HAUS4: variants seen among roughly 807,000 people sequenced by gnomAD.
HAUS4 encodes HAUS augmin-like complex subunit 4.
HAUS4 carries 34 observed loss-of-function variants against 50.6 expected under a neutral mutation model. The observed-to-expected ratio is 0.67, with a 90% CI of 0.51 to 0.90. The LOEUF (loss-of-function observed/expected upper bound fraction) is 0.90, where lower values mean the gene tolerates loss of function less well. Ranked by LOEUF, HAUS4 falls within the 40% of genes least tolerant of loss-of-function variation. The pLI is 0.00. For synonymous variants in HAUS4, 149 were observed against 161.4 expected (o/e 0.92, Z 0.58); for missense variants, 370 against 428.7 (o/e 0.86, Z 1.21).
intron 6 of HAUS4, 195 bp from the exon 7 acceptor site, chr14:22,948,208 G>C (rs1705198745): frequency 1.8e-6 from 1 of 566,850 alleles, no homozygotes; most frequent in Non-Finnish European, 3.0e-6. Context: ...TAGCACTTTG[G>C]GAGGCCAAGG....
chr14:22,948,164 C>T lies in HAUS4; in HGVS notation c.563-151G>A, dbSNP rs993438267. On this transcript the variant is annotated intron_variant, in intron 6 of 9. Transcript: ENST00000541587. ...ATAATCTATTAAAAATGGCCCCATT[C>T]TGGGCTGAGCATGGTGGCTTACGCC... is the stretch of plus-strand genomic sequence containing the variant. 5 of 804,506 alleles carry T rather than the reference C, an allele frequency of 6.2e-6. No homozygotes were observed. The East Asian group carries it at 1.4e-4, about 22-fold the overall frequency. 49.8% of individuals were successfully genotyped at this position (804,506 alleles called of 1,614,324 possible).
rs369250529 is a variant in HAUS4, at chr14:22,951,761, A to T, written c.331-72T>A. On this transcript the variant is annotated intron_variant, in intron 4 of 9. Transcript: ENST00000541587. ...CTCCCACTCCACCTCTTCCATCCTT[A>T]TGAACCAGTTTTTCACATATTTTCA... 136 of 1,410,954 alleles carry T rather than the reference A, an allele frequency of 9.6e-5. No individual in the cohort carries two copies. In the African/African-American group the frequency reaches 1.8e-3, roughly 19 times the overall value. 87.4% of individuals were successfully genotyped at this position (1,410,954 alleles called of 1,614,324 possible).
rs778442981 is a variant in HAUS4 at position 22,947,248 on chromosome 14, G to C, written c.840-9C>G. ...TCTTTAGCTCCTCCATCCTGACAGA[G>C]GGAAGAAAGAAATGTCAAGGCAGGA... On this transcript the variant is annotated splice_polypyrimidine_tract_variant and intron_variant, in intron 8 of 9. Transcript: ENST00000541587. The C allele has an allele frequency of 6.3e-7, 1 of 1,588,100 alleles. No homozygotes were observed. The highest frequency in any genetic ancestry group is 1.7e-5 in the Admixed American group (1 of 59,986).
At chr14:22,952,774 A>G (rs2044779097) in intron 2 of HAUS4, 91 bp from the exon 3 acceptor site, 2 of 1,034,586 alleles carry the variant, frequency 1.9e-6, no homozygotes, top group Non-Finnish European at 2.7e-6. Context: ...CTTCCAAAAA[A>G]CCCCTAGGAT....
intron 6 of HAUS4, among the ~76,000 whole-genome samples, chr14:22,949,302 G>A (rs886720464): frequency 6.6e-6 from 1 of 151,922 alleles, no homozygotes; most frequent in African/African-American, 2.4e-5. Flanking sequence ...GGCCAAGGTG[G>A]GTAGATCATG....
At position 22,947,599 on chromosome 14, in the gene HAUS4, A is replaced by G. The variant is rs904983615; in HGVS notation, c.839+2T>C. The G allele has an allele frequency of 6.2e-7, 1 of 1,612,882 alleles. No individual in the cohort carries two copies. Among genetic ancestry groups the G allele is most frequent in the Non-Finnish European group, 8.5e-7 (1 of 1,179,010 alleles). ...TTAAGATCCACAGGGGTCACAGCTC[A>G]CCTCAGCTTAAGGATCATAGCACCG... On this transcript the variant is annotated splice_donor_variant, in intron 8 of 9. Transcript: ENST00000541587. LOFTEE classifies it high-confidence loss of function.
At chr14:22,952,709 A>C in intron 2 of HAUS4, 26 bp from the exon 3 acceptor site, 1 of 1,545,538 alleles carries the variant, frequency 6.5e-7, no homozygotes. Flanking sequence ...CCACAGGTAC[A>C]AAAAAACAAA....
intron 6 of HAUS4, 190 bp from the exon 7 acceptor site, chr14:22,948,203 CT>C: frequency 1.7e-6 from 1 of 580,508 alleles, no homozygotes; most frequent in Non-Finnish European, 2.9e-6. Context: ...AATCCTAGCA[CT>C]TTGGGAGGCC....
chr14:22,955,212 G>A, intron 1 of HAUS4, 36 bp from the exon 2 acceptor site: 2 of 1,245,780 alleles, frequency 1.6e-6, no homozygotes, highest in East Asian at 2.3e-5. Flanking sequence ...ACAAAAAGAT[G>A]AATAAACAGC....
rs1329730919 is a variant in HAUS4, at chr14:22,952,657, T to G, written c.82A>C (p.Asn28His). The change falls in exon 3 of 10, where the codon AAC (asparagine) becomes CAC (histidine). Residue 28 changes from asparagine to histidine, a missense_variant. Transcript: ENST00000541587. ...QVCSKQLPPC[N>H]LSKEDLLQNP... Reference sequence around the variant, plus strand: ...TGTAACAGGTCCTCTTTACTCAGGTTACAAGGAGGAAGTTGTTTGCTGCAC... The same window carrying G: ...TGTAACAGGTCCTCTTTACTCAGGTGACAAGGAGGAAGTTGTTTGCTGCAC... 2.5e-6 allele frequency: 4 copies of G among 1,606,222 alleles called. No homozygotes were observed. The highest frequency in any genetic ancestry group is 3.4e-6 in the Non-Finnish European group (4 of 1,177,874).
chr14:22,950,557 T>C (rs928835058), intron 5 of HAUS4, 147 bp from the exon 6 acceptor site: 1 of 576,924 alleles, frequency 1.7e-6, no homozygotes. Context: ...ACCTATCAAA[T>C]TAGCGAAGAA....
At chr14:22,954,688 A>C (rs953265855) in intron 2 of HAUS4, 1 of 157,396 alleles carries the variant, frequency 6.4e-6, no homozygotes, top group African/African-American at 2.4e-5. Context: ...TCAGAAACAC[A>C]TGCTTCTGTG....
At chr14:22,947,277 T>A (rs1280196501) in intron 8 of HAUS4, 38 bp from the exon 9 acceptor site, 1 of 1,394,358 alleles carries the variant, frequency 7.2e-7, no homozygotes, top group Non-Finnish European at 1.0e-6. Context: ...GGCAGGAAGG[T>A]CCCTGATAGC....
At chr14:22,951,852 A>G (rs1429148676) in intron 4 of HAUS4, among the ~76,000 whole-genome samples, 163 bp from the exon 5 acceptor site, 1 of 152,100 alleles carries the variant, frequency 6.6e-6, no homozygotes, top group Non-Finnish European at 1.5e-5. Context: ...CAATGTTTCT[A>G]TTACAAACTC....
In HAUS4 at chr14:22,946,492, T is replaced by G; in HGVS notation, c.*33A>C. 1 of 1,566,652 alleles carries G rather than the reference T, an allele frequency of 6.4e-7. No homozygotes were observed. Among genetic ancestry groups the G allele is most frequent in the South Asian group, 1.2e-5 (1 of 86,634 alleles). ...CAGGAAGATTAGGAGGCAGCAGCTA[T>G]GCAGAAGCCATGTCTCCTGGCCCTG... On this transcript the variant is annotated 3_prime_UTR_variant, in exon 10 of 10. Coordinates refer to ENST00000541587, the MANE Select transcript of HAUS4 (RefSeq NM_001166269.2).
At chr14:22,954,052 GCCA>G (rs1344340889) in intron 2 of HAUS4, among the ~76,000 whole-genome samples, 1 of 152,162 alleles carries the variant, frequency 6.6e-6, no homozygotes, top group Admixed American at 6.6e-5. Context: ...ACAGGCATGA[GCCA>G]CCACACCTGG....
At chr14:22,953,450 AT>A (rs2044796264) in intron 2 of HAUS4, among the ~76,000 whole-genome samples, 1 of 148,066 alleles carries the variant, frequency 6.8e-6, no homozygotes, top group Non-Finnish European at 1.5e-5. Context: ...ATTCTTTTTT[AT>A]TTTTTTCTTT....
chr14:22,952,358 T>G lies in HAUS4; in HGVS notation c.300A>C (p.Gln100His). The G allele has an allele frequency of 6.2e-7, 1 of 1,614,062 alleles. No homozygotes were observed. The highest frequency in any genetic ancestry group is 8.5e-7 in the Non-Finnish European group (1 of 1,179,956). Residue 100 changes from glutamine (Q) to histidine (H), a missense_variant, in exon 4 of 10, where the codon CAA (glutamine) becomes CAC (histidine). Transcript: ENST00000541587. The part of the protein sequence containing the change: ...ELLVDYYVKI[Q>H]DTNVTSEDKK... ...TGTCCTCAGAAGTTACATTTGTGTCTTGTATCTTCACATAGTAGTCCACAA... is the reference window on the plus strand; with the variant it reads ...TGTCCTCAGAAGTTACATTTGTGTCGTGTATCTTCACATAGTAGTCCACAA...
intron 6 of HAUS4, among the ~76,000 whole-genome samples, chr14:22,948,827 G>A (rs1055080773): frequency 7.3e-5 from 11 of 151,644 alleles, no homozygotes; most frequent in East Asian, 3.9e-4. Context: ...AAGCCACCGC[G>A]CCCGGCCCGG....
Sources: allele counts gnomAD v4.1 joint callset (sites outside exome capture counted in the v4.1 genomes callset), GRCh38; gene constraint gnomAD v4.1.1; transcripts MANE v1.5; gene names NCBI Gene and HGNC (gene_info 2026-07-23, HGNC 2026-07-21).